The following CCDC39 variants were observed in gnomAD, a reference collection of about 807,000 sequenced individuals.
CCDC39 encodes coiled-coil domain 39 molecular ruler complex subunit, also known as coiled-coil domain-containing protein 39.
In CCDC39, 113 loss-of-function variants were observed where a neutral mutation model predicts 121.0. The ratio of observed to expected loss-of-function variants is 0.93; its 90% CI spans 0.80 to 1.09. The LOEUF (loss-of-function observed/expected upper bound fraction) is 1.09, where lower values mean the gene tolerates loss of function less well. Among genes scored for constraint, CCDC39 ranks in the 50% least tolerant of loss-of-function variants. The pLI, the probability that CCDC39 is intolerant of heterozygous loss-of-function variation, is 0.00. For synonymous variants in CCDC39, 349 were observed against 352.2 expected (o/e 0.99, Z 0.10); for missense variants, 1,063 against 1,074.7 (o/e 0.99, Z 0.15).
chr3:180,662,139 A>G, intron 2 of CCDC39, 132 bp from the exon 3 acceptor site: 1 of 766,538 alleles, frequency 1.3e-6, no homozygotes, highest in Non-Finnish European at 2.1e-6. Context: ...TAATTCCACT[A>G]CTCTAAAATC....
intron 6 of CCDC39, among the ~76,000 whole-genome samples, chr3:180,655,597 A>C (rs963452056): frequency 6.6e-6 from 1 of 152,048 alleles, no homozygotes; most frequent in African/African-American, 2.4e-5. Flanking sequence ...CCCAAGAGGC[A>C]ACATTTGAGT....
chr3:180,629,511 A>ATATT, intron 14 of CCDC39, among the ~76,000 whole-genome samples: 1 of 152,332 alleles, frequency 6.6e-6, no homozygotes, highest in Non-Finnish European at 1.5e-5. Flanking sequence ...GGCCCACTAG[A>ATATT]AAATGCCAAC....
chr3:180,644,302 G>T, intron 11 of CCDC39, 45 bp from the exon 12 acceptor site: 1 of 1,199,128 alleles, frequency 8.3e-7, no homozygotes, highest in Non-Finnish European at 1.1e-6. Context: ...TTTAAATATT[G>T]ACAAAAATAT....
Position 180,659,432 on chromosome 3 carries a change from G to A in CCDC39, c.738+20C>T. ...AGACAAATGCAGCTGAACATTACAA[G>A]GACCAAACAACTACTTTACCAAAGC... On this transcript the variant is annotated intron_variant, in intron 6 of 19. Transcript: ENST00000476379. The A allele has an allele frequency of 6.2e-7, 1 of 1,612,166 alleles. No homozygotes were observed. Among genetic ancestry groups the A allele is most frequent in the African/African-American group, 1.3e-5 (1 of 74,958 alleles).
intron 14 of CCDC39, 43 bp from the exon 15 acceptor site, chr3:180,620,013 T>C: frequency 6.8e-7 from 1 of 1,476,852 alleles, no homozygotes; most frequent in South Asian, 1.4e-5. Flanking sequence ...AAGCATTTAC[T>C]ATGGGAAGAA....
chr3:180,677,217 A>ATAT (rs1712261149), intron 1 of CCDC39, among the ~76,000 whole-genome samples: 2 of 44,396 alleles, frequency 4.5e-5, no homozygotes, highest in Non-Finnish European at 1.0e-4. Context: ...TATATATATA[A>ATAT]AATCACAGTA....
At chr3:180,625,669 AG>A (rs1280647083) in intron 14 of CCDC39, among the ~76,000 whole-genome samples, 2 of 152,196 alleles carry the variant, frequency 1.3e-5, no homozygotes, top group African/African-American at 2.4e-5. Context: ...CTCCTGAAGA[AG>A]TACATATGTA....
chr3:180,659,782 T>C lies in CCDC39; in HGVS notation c.517-13A>G, dbSNP rs776568115. 6.6e-6 allele frequency: 10 copies of C among 1,516,384 alleles called. No homozygotes were observed. The highest frequency in any genetic ancestry group is 8.2e-6 in the Non-Finnish European group (9 of 1,099,192). The allele number at this position is 1,516,384 out of a possible 1,614,324, so 93.9% of individuals were successfully genotyped here. On this transcript the variant is annotated splice_polypyrimidine_tract_variant and intron_variant, in intron 4 of 19. Coordinates refer to ENST00000476379, the MANE Select transcript of CCDC39 (RefSeq NM_181426.2). ...GCAGAGTCAGTGCCTATGATGTAATTATATACAGATACTTATAATTCTCAT... is the reference window on the plus strand; with the variant it reads ...GCAGAGTCAGTGCCTATGATGTAATCATATACAGATACTTATAATTCTCAT...
chr3:180,618,242 A>G (rs568187893), intron 16 of CCDC39, among the ~76,000 whole-genome samples: 13 of 152,240 alleles, frequency 8.5e-5, no homozygotes, highest in African/African-American at 3.1e-4. Context: ...TGACTGTATA[A>G]TGGTTTTATG....
rs573893323 is a variant in CCDC39, at chr3:180,652,049, A to G, written c.1034+114T>C. The stretch of plus-strand genomic sequence containing the variant: ...AAGACTCCCTCTCAAAAAAAAAAAA[A>G]GTAGTAGCTAAAATATTGCAATTAT... On this transcript the variant is annotated intron_variant, in intron 8 of 19. Transcript: ENST00000476379. 178 of 626,952 alleles carry G rather than the reference A, an allele frequency of 2.8e-4. No homozygotes were observed. The African/African-American group carries it at 3.3e-3, about 12-fold the overall frequency. 38.8% of individuals were successfully genotyped at this position (626,952 alleles called of 1,614,324 possible). A position where few individuals can be genotyped will look rare whatever the true frequency, so the allele number is the denominator to read the frequency against.
chr3:180,672,357 GC>G (rs1287026007), intron 1 of CCDC39, among the ~76,000 whole-genome samples: 1 of 152,200 alleles, frequency 6.6e-6, no homozygotes, highest in Non-Finnish European at 1.5e-5. Flanking sequence ...ACTTTGGGAG[GC>G]CAAGGCAGGC....
At chr3:180,642,610 A>G (rs1717981865) in intron 12 of CCDC39, among the ~76,000 whole-genome samples, 1 of 152,142 alleles carries the variant, frequency 6.6e-6, no homozygotes. Flanking sequence ...GAGTACACAT[A>G]TCAATCAATT....
At chr3:180,677,271 C>T (rs1406948590) in intron 1 of CCDC39, among the ~76,000 whole-genome samples, 1 of 126,646 alleles carries the variant, frequency 7.9e-6, no homozygotes, top group Non-Finnish European at 1.6e-5. Context: ...TAAAATCCAG[C>T]CAGCCAAAAG....
chr3:180,678,421 T>C (rs1271099892), intron 1 of CCDC39, among the ~76,000 whole-genome samples: 2 of 152,210 alleles, frequency 1.3e-5, no homozygotes, highest in Non-Finnish European at 2.9e-5. Flanking sequence ...GTAAGCATCA[T>C]CTGTTATTCT....
At chr3:180,630,988 T>G (rs1717678730) in intron 14 of CCDC39, among the ~76,000 whole-genome samples, 1 of 152,102 alleles carries the variant, frequency 6.6e-6, no homozygotes. Flanking sequence ...GTGGCTATAG[T>G]GAAGTAAAGG....
intron 12 of CCDC39, 52 bp from the exon 13 acceptor site, chr3:180,642,253 C>A: frequency 8.0e-7 from 1 of 1,255,712 alleles, no homozygotes; most frequent in Non-Finnish European, 1.1e-6. Flanking sequence ...AATTGCAAAA[C>A]CAAAATTTTT....
intron 16 of CCDC39, chr3:180,617,904 T>G (rs1717307082): frequency 6.4e-6 from 1 of 155,492 alleles, no homozygotes; most frequent in African/African-American, 2.4e-5. Flanking sequence ...CACCACTCAC[T>G]CACTCAGTCA....
At chr3:180,655,700 A>C (rs1235534224) in intron 6 of CCDC39, among the ~76,000 whole-genome samples, 4 of 152,124 alleles carry the variant, frequency 2.6e-5, no homozygotes, top group African/African-American at 9.7e-5. Context: ...ATATATTAAG[A>C]AGGGTTGGGG....
At position 180,642,032 on chromosome 3, in the gene CCDC39, G is replaced by T; in HGVS notation, c.1835C>A (p.Ser612Ter). 2 of 1,602,636 alleles carry T rather than the reference G, an allele frequency of 1.2e-6. No individual in the cohort carries two copies. The highest frequency in any genetic ancestry group is 2.3e-5 in the South Asian group (2 of 88,672). ...EIKVHKTMLA[S>*]QIRYVDQERE... is the part of the protein sequence containing the mutation. ...TTCTTGATCAACATATCTTATTTGT[G>T]ACGCAAGCATTGTTTTATGAACCTT... Residue 612 changes from serine to a stop codon, truncating the protein, a stop_gained, in exon 13 of 20, where the codon TCA becomes TAA. Coordinates refer to ENST00000476379, the MANE Select transcript of CCDC39 (RefSeq NM_181426.2). LOFTEE classifies it high-confidence loss of function.
Sources: allele counts gnomAD v4.1 joint callset (sites outside exome capture counted in the v4.1 genomes callset), GRCh38; gene constraint gnomAD v4.1.1; transcripts MANE v1.5; gene names NCBI Gene and HGNC (gene_info 2026-07-23, HGNC 2026-07-21).